The following GALNT13 variants were observed in gnomAD, a reference collection of about 807,000 sequenced individuals.
GALNT13 encodes the protein UDP-GalNAc:polypeptide N-acetylgalactosaminyltransferase 13.
A neutral mutation model predicts 64.2 loss-of-function variants in GALNT13; 28 were observed. That is an observed-to-expected ratio of 0.44 (90% CI 0.32 to 0.60). The LOEUF is 0.60. Ranked by LOEUF, GALNT13 falls within the 20% of genes least tolerant of loss-of-function variation. The pLI is 0.05. For synonymous variants in GALNT13, 214 were observed against 224.6 expected, an observed-to-expected ratio of 0.95 and a Z score of 0.42; for missense variants, 577 against 669.8, an observed-to-expected ratio of 0.86 and a Z score of 1.53.
the GALNT13 span, among the ~76,000 whole-genome samples, chr2:153,439,874 G>T: frequency 1.3e-5 from 2 of 152,184 alleles, no homozygotes; most frequent in Non-Finnish European, 2.9e-5. Flanking sequence ...CGGTACCTCA[G>T]TTGGAAATGC....
chr2:154,315,297 A>G (rs1177977643), intron 9 of GALNT13, among the ~76,000 whole-genome samples: 1 of 152,198 alleles, frequency 6.6e-6, no homozygotes, highest in African/African-American at 2.4e-5. Flanking sequence ...AGATATCTTT[A>G]TCAACTGGAA....
the GALNT13 span, among the ~76,000 whole-genome samples, chr2:153,639,956 T>C: frequency 2.0e-5 from 3 of 152,036 alleles, no homozygotes; most frequent in Non-Finnish European, 4.4e-5. Context: ...TGTCCAGGGA[T>C]CAAGGGAATA....
the GALNT13 span, among the ~76,000 whole-genome samples, chr2:153,587,128 G>A: frequency 3.3e-5 from 5 of 151,472 alleles, no homozygotes; most frequent in East Asian, 1.9e-4. Context: ...CAGCTACTCC[G>A]GAGGCCTAGA....
chr2:153,142,976 C>G, the GALNT13 span, among the ~76,000 whole-genome samples: 1 of 151,928 alleles, frequency 6.6e-6, no homozygotes, highest in South Asian at 2.1e-4. Flanking sequence ...GAATATACTG[C>G]CAGTTGGTGA....
At chr2:153,485,879 G>C in the GALNT13 span, among the ~76,000 whole-genome samples, 1 of 152,160 alleles carries the variant, frequency 6.6e-6, no homozygotes, top group Non-Finnish European at 1.5e-5. Flanking sequence ...TAGCCTCGGC[G>C]ACAGAGCAAG....
At chr2:153,410,296 A>G in the GALNT13 span, among the ~76,000 whole-genome samples, 1 of 151,764 alleles carries the variant, frequency 6.6e-6, no homozygotes, top group Non-Finnish European at 1.5e-5. Context: ...GAGTCTCACT[A>G]TGTTGCCCAG....
the GALNT13 span, among the ~76,000 whole-genome samples, chr2:153,483,204 C>G: frequency 6.6e-6 from 1 of 151,996 alleles, no homozygotes; most frequent in African/African-American, 2.4e-5. Flanking sequence ...ACCACATAAT[C>G]CAGCAATTCC....
chr2:154,435,590 T>C (rs1412342310), intron 11 of GALNT13, among the ~76,000 whole-genome samples: 1 of 152,194 alleles, frequency 6.6e-6, no homozygotes, highest in East Asian at 1.9e-4. Context: ...GAAACATCTG[T>C]CATCAGGTAT....
intron 3 of GALNT13, among the ~76,000 whole-genome samples, chr2:154,064,567 A>G (rs545983043): frequency 1.3e-5 from 2 of 152,242 alleles, no homozygotes; most frequent in South Asian, 4.1e-4. Flanking sequence ...AGCACTGGGC[A>G]GAGTCATGAT....
the GALNT13 span, among the ~76,000 whole-genome samples, chr2:153,175,035 G>A: frequency 0.012 from 1,816 of 152,188 alleles, 13 homozygotes; most frequent in Non-Finnish European, 0.019. Flanking sequence ...AAACAACTGG[G>A]CCTGATAGTT....
intron 2 of GALNT13, among the ~76,000 whole-genome samples, chr2:153,919,105 C>A (rs766014748): frequency 1.3e-5 from 2 of 152,042 alleles, no homozygotes; most frequent in Non-Finnish European, 2.9e-5. Flanking sequence ...TATTGTACTT[C>A]TGTCTTTCTC....
At chr2:153,822,779 C>T in the GALNT13 span, among the ~76,000 whole-genome samples, 1 of 152,044 alleles carries the variant, frequency 6.6e-6, no homozygotes, top group African/African-American at 2.4e-5. Context: ...AGCCAAGCAA[C>T]CAGGCAATAG....
intron 9 of GALNT13, among the ~76,000 whole-genome samples, chr2:154,359,251 C>T (rs1252965054): frequency 6.6e-6 from 1 of 152,024 alleles, no homozygotes; most frequent in Non-Finnish European, 1.5e-5. Context: ...GAAAATAGAG[C>T]ATCAGCGGGA....
chr2:154,193,493 C>T (rs150382319), intron 4 of GALNT13, among the ~76,000 whole-genome samples: 5 of 152,176 alleles, frequency 3.3e-5, no homozygotes, highest in Admixed American at 3.3e-4. Context: ...GACGAAACAT[C>T]ACTTGAATGT....
At chr2:154,260,142 T>A (rs1007164767) in intron 8 of GALNT13, among the ~76,000 whole-genome samples, 15 of 151,982 alleles carry the variant, frequency 9.9e-5, no homozygotes, top group Non-Finnish European at 1.6e-4. Context: ...CCCCTCTGCC[T>A]CCCAAAGAGT....
chr2:154,455,011 T>G (rs1702012949), downstream of GALNT13, among the ~76,000 whole-genome samples: 2 of 152,180 alleles, frequency 1.3e-5, no homozygotes, highest in Admixed American at 1.3e-4. Context: ...AGCAGAGATT[T>G]CTAGGCTTCC....
the GALNT13 span, among the ~76,000 whole-genome samples, chr2:153,777,736 G>A: frequency 1.3e-5 from 2 of 152,172 alleles, no homozygotes; most frequent in African/African-American, 2.4e-5. Context: ...TCGGGGCTTT[G>A]AGACCACAGC....
chr2:153,725,800 A>G, the GALNT13 span, among the ~76,000 whole-genome samples: 2 of 152,290 alleles, frequency 1.3e-5, no homozygotes, highest in Non-Finnish European at 2.9e-5. Flanking sequence ...CATATGAAAA[A>G]AGAAGTGTTT....
chr2:153,485,069 T>C, the GALNT13 span, among the ~76,000 whole-genome samples: 1 of 152,212 alleles, frequency 6.6e-6, no homozygotes, highest in Non-Finnish European at 1.5e-5. Flanking sequence ...TTGTTTGAAG[T>C]TGCATGTTAG....
Sources: allele counts gnomAD v4.1 joint callset (sites outside exome capture counted in the v4.1 genomes callset), GRCh38; gene constraint gnomAD v4.1.1; transcripts MANE v1.5; gene names NCBI Gene and HGNC (gene_info 2026-07-23, HGNC 2026-07-21).